MTA3: variants seen among roughly 807,000 people sequenced by gnomAD.
MTA3 encodes metastasis associated 1 family member 3.
A neutral mutation model predicts 83.5 loss-of-function variants in MTA3; 34 were observed. The ratio of observed to expected loss-of-function variants is 0.41; its 90% CI spans 0.31 to 0.54. The LOEUF (loss-of-function observed/expected upper bound fraction) is 0.54, where lower values mean the gene tolerates loss of function less well. Ranked by LOEUF, MTA3 falls within the 20% of genes least tolerant of loss-of-function variation. The pLI is 0.33. For synonymous variants in MTA3, 303 were observed against 252.7 expected (o/e 1.20, Z -1.89); for missense variants, 761 against 726.4 (o/e 1.05, Z -0.55).
chr2:42,494,405 C>G (rs1184618426), upstream of MTA3, among the ~76,000 whole-genome samples: 3 of 152,216 alleles, frequency 2.0e-5, no homozygotes, highest in Non-Finnish European at 4.4e-5. Context: ...GAGCTTTTTC[C>G]AGAAACTGTC....
intron 14 of MTA3, chr2:42,709,354 G>A (rs1459582441): frequency 8.0e-7 from 1 of 1,254,734 alleles, no homozygotes; most frequent in Non-Finnish European, 1.0e-6. Context: ...TTGGTGGGAG[G>A]TGATCCTATT....
In MTA3 at chr2:42,682,517, C is replaced by T. The variant is rs1692021345; in HGVS notation, c.819C>T (p.Ala273=). 1.9e-6 allele frequency: 3 copies of T among 1,612,682 alleles called. No homozygotes were observed. The highest frequency in any genetic ancestry group is 1.7e-6 in the Non-Finnish European group (2 of 1,179,346). ...GAGATGAAATGGAGGAATGGTCAGCCTCTGAAGCTAGCTTATTTGAAGAGG... is the reference window on the plus strand; with the variant it reads ...GAGATGAAATGGAGGAATGGTCAGCTTCTGAAGCTAGCTTATTTGAAGAGG... The part of the protein sequence containing the change: ...LCRDEMEEWS[A]SEASLFEEAL... Residue 273 remains alanine, a synonymous_variant, in exon 9 of 17, where the codon GCC becomes GCT. Coordinates refer to ENST00000405094, the MANE Select transcript of MTA3 (RefSeq NM_001330442.2).
chr2:42,729,302 C>G (rs994502870), intron 16 of MTA3, among the ~76,000 whole-genome samples: 2 of 151,678 alleles, frequency 1.3e-5, no homozygotes, highest in African/African-American at 4.8e-5. Flanking sequence ...GGGGTTTCAC[C>G]GTGTTAGCCA....
intron 4 of MTA3, among the ~76,000 whole-genome samples, chr2:42,611,204 C>T (rs533425752): frequency 1.3e-5 from 2 of 151,816 alleles, no homozygotes; most frequent in East Asian, 1.9e-4. Context: ...AGGCTGGTCT[C>T]GAACTCCTGA....
At chr2:42,536,427 A>C (rs1676238418) in intron 2 of MTA3, among the ~76,000 whole-genome samples, 1 of 145,498 alleles carries the variant, frequency 6.9e-6, no homozygotes, top group Admixed American at 6.8e-5. Flanking sequence ...GTGAGCTGAG[A>C]TCTCGCCATT....
At chr2:42,587,428 T>C (rs1301742264) in intron 3 of MTA3, among the ~76,000 whole-genome samples, 1 of 152,156 alleles carries the variant, frequency 6.6e-6, no homozygotes, top group Non-Finnish European at 1.5e-5. Context: ...GACAAGTCAT[T>C]ATTATTACTA....
chr2:42,572,005 C>A (rs990340540), intron 2 of MTA3, among the ~76,000 whole-genome samples: 1 of 151,266 alleles, frequency 6.6e-6, no homozygotes, highest in Non-Finnish European at 1.5e-5. Context: ...TGGCTGGGCA[C>A]GGTGGCTCAC....
intron 14 of MTA3, 59 bp from the exon 15 acceptor site, chr2:42,718,929 G>A (rs1004871510): frequency 6.4e-6 from 8 of 1,243,402 alleles, no homozygotes; most frequent in South Asian, 2.6e-5. Context: ...TGTGGTGCAT[G>A]TAGTCTGGCT....
At chr2:42,718,009 A>T (rs535139018) in intron 14 of MTA3, among the ~76,000 whole-genome samples, 3 of 152,150 alleles carry the variant, frequency 2.0e-5, no homozygotes, top group Admixed American at 1.3e-4. Context: ...GGCACACGCA[A>T]TAAAAAAGCA....
chr2:42,639,596 TA>T (rs1285135205), intron 4 of MTA3, among the ~76,000 whole-genome samples: 1 of 152,202 alleles, frequency 6.6e-6, no homozygotes, highest in Non-Finnish European at 1.5e-5. Context: ...TGTCGATGTT[TA>T]TTTTGCCCCT....
chr2:42,623,109 C>G (rs1685739957), intron 4 of MTA3, among the ~76,000 whole-genome samples: 1 of 152,162 alleles, frequency 6.6e-6, no homozygotes, highest in Admixed American at 6.5e-5. Flanking sequence ...GTGGGCGTGT[C>G]TTGCCAGACA....
chr2:42,687,412 C>T (rs1407695670), intron 9 of MTA3, among the ~76,000 whole-genome samples: 1 of 152,168 alleles, frequency 6.6e-6, no homozygotes, highest in African/African-American at 2.4e-5. Context: ...CCTAGTAGTA[C>T]TATTCCATTG....
intron 1 of MTA3, chr2:42,569,234 C>T (rs1211334571): frequency 2.0e-5 from 3 of 153,394 alleles, no homozygotes; most frequent in African/African-American, 4.8e-5. Context: ...GCCAGGGGCC[C>T]AGCTGGACGG....
At chr2:42,689,944 G>A (rs968334674) in intron 9 of MTA3, among the ~76,000 whole-genome samples, 2 of 150,584 alleles carry the variant, frequency 1.3e-5, no homozygotes, top group South Asian at 4.2e-4. Context: ...CATTGCTTTG[G>A]ACTTAATTGC....
At chr2:42,618,898 AGTGAGC>A (rs1685222877) in intron 4 of MTA3, among the ~76,000 whole-genome samples, 1 of 152,204 alleles carries the variant, frequency 6.6e-6, no homozygotes, top group Non-Finnish European at 1.5e-5. Flanking sequence ...GGTGTGAGCC[AGTGAGC>A]CTGGCCCATT....
intron 2 of MTA3, among the ~76,000 whole-genome samples, chr2:42,570,994 T>C (rs1420178952): frequency 2.0e-5 from 3 of 150,692 alleles, no homozygotes; most frequent in African/African-American, 7.3e-5. Flanking sequence ...GCCTGGGCAA[T>C]GAGATAAACT....
At chr2:42,503,124 CT>C (rs1674475052) in intron 2 of MTA3, among the ~76,000 whole-genome samples, 1 of 152,198 alleles carries the variant, frequency 6.6e-6, no homozygotes, top group African/African-American at 2.4e-5. Flanking sequence ...TAAAGAATGG[CT>C]ACTCCATAGA....
intron 2 of MTA3, among the ~76,000 whole-genome samples, chr2:42,515,789 C>G (rs999152061): frequency 2.0e-5 from 3 of 151,570 alleles, no homozygotes; most frequent in Non-Finnish European, 4.4e-5. Flanking sequence ...CGTGAACCAC[C>G]GTGCCCAGTC....
At chr2:42,512,503 T>C (rs941444649) in intron 2 of MTA3, among the ~76,000 whole-genome samples, 3 of 152,190 alleles carry the variant, frequency 2.0e-5, no homozygotes, top group Non-Finnish European at 4.4e-5. Context: ...CAGAGGAAAG[T>C]AATCACAAAC....
Sources: allele counts gnomAD v4.1 joint callset (sites outside exome capture counted in the v4.1 genomes callset), GRCh38; gene constraint gnomAD v4.1.1; transcripts MANE v1.5; gene names NCBI Gene and HGNC (gene_info 2026-07-23, HGNC 2026-07-21).